ME1: variants seen among roughly 807,000 people sequenced by gnomAD.
The protein encoded by ME1 is malic enzyme 1, also known as NADP-dependent malic enzyme.
In ME1, 74 loss-of-function variants were observed where a neutral mutation model predicts 66.4. The observed-to-expected ratio is 1.11, with a 90% CI of 0.92 to 1.35. The LOEUF (loss-of-function observed/expected upper bound fraction) is 1.35, where lower values mean the gene tolerates loss of function less well. Among genes scored for constraint, ME1 ranks in the 40% most tolerant of loss-of-function variants. The pLI, the probability that ME1 is intolerant of heterozygous loss-of-function variation, is 0.00. For missense variants in ME1, 750 were observed against 694.1 expected, an observed-to-expected ratio of 1.08 and a Z score of -0.90; for synonymous variants, 251 against 235.6, an observed-to-expected ratio of 1.07 and a Z score of -0.60.
intron 11 of ME1, among the ~76,000 whole-genome samples, chr6:83,226,940 C>T (rs1380746073): frequency 6.6e-6 from 1 of 152,132 alleles, no homozygotes; most frequent in East Asian, 1.9e-4. Context: ...AACCCAAACC[C>T]AGGATTTAGC....
chr6:83,405,573 G>C (rs1385389386), intron 2 of ME1, among the ~76,000 whole-genome samples: 1 of 152,120 alleles, frequency 6.6e-6, no homozygotes, highest in East Asian at 1.9e-4. Flanking sequence ...GGGCATCCTT[G>C]TCTTGTACCG....
At chr6:83,398,746 C>T (rs1056898427) in intron 2 of ME1, among the ~76,000 whole-genome samples, 5 of 151,664 alleles carry the variant, frequency 3.3e-5, no homozygotes, top group East Asian at 2.0e-4. Flanking sequence ...CTGAGGTGGG[C>T]GGATCACAAG....
chr6:83,286,815 C>A (rs1380176845), intron 6 of ME1, among the ~76,000 whole-genome samples: 1 of 152,030 alleles, frequency 6.6e-6, no homozygotes, highest in Non-Finnish European at 1.5e-5. Context: ...TTCCTTGTAG[C>A]CTCACAGTAC....
chr6:83,275,754 G>A (rs987422140), intron 6 of ME1, among the ~76,000 whole-genome samples: 2 of 125,436 alleles, frequency 1.6e-5, no homozygotes, highest in South Asian at 5.3e-4. Flanking sequence ...TGTGAGCCAC[G>A]GCGCCCGGCC....
At chr6:83,236,950 A>G (rs1443753551) in intron 9 of ME1, among the ~76,000 whole-genome samples, 1 of 152,026 alleles carries the variant, frequency 6.6e-6, no homozygotes, top group Admixed American at 6.6e-5. Context: ...TGTAAATCCC[A>G]GCACTTTGGG....
At chr6:83,268,399 T>G (rs1767025898) in intron 6 of ME1, among the ~76,000 whole-genome samples, 1 of 152,156 alleles carries the variant, frequency 6.6e-6, no homozygotes, top group South Asian at 2.1e-4. Context: ...GTACTCCTAT[T>G]AAGTATACAA....
chr6:83,344,108 C>T (rs887147885), intron 5 of ME1, among the ~76,000 whole-genome samples: 3 of 138,996 alleles, frequency 2.2e-5, no homozygotes, highest in African/African-American at 8.6e-5. Context: ...AAGACCCCGT[C>T]TAAAAAAAAA....
intron 5 of ME1, among the ~76,000 whole-genome samples, chr6:83,340,928 G>A (rs555784045): frequency 1.3e-4 from 19 of 151,508 alleles, no homozygotes; most frequent in South Asian, 4.2e-4. Flanking sequence ...TTTATTCTGT[G>A]GATGGACTCT....
intron 5 of ME1, among the ~76,000 whole-genome samples, chr6:83,320,413 T>C (rs1768128689): frequency 1.3e-5 from 2 of 152,238 alleles, no homozygotes; most frequent in Non-Finnish European, 2.9e-5. Context: ...TTATAATGTA[T>C]TGCATAAGAA....
At chr6:83,407,209 A>C (rs1769963019) in intron 2 of ME1, among the ~76,000 whole-genome samples, 1 of 152,212 alleles carries the variant, frequency 6.6e-6, no homozygotes, top group Admixed American at 6.5e-5. Context: ...AAAAACAGAC[A>C]GCAAAGCAGT....
chr6:83,356,312 C>A (rs1480629319), intron 3 of ME1, among the ~76,000 whole-genome samples: 2 of 152,018 alleles, frequency 1.3e-5, no homozygotes, highest in African/African-American at 4.8e-5. Flanking sequence ...ACATTTTTCA[C>A]AAAATGTGAG....
At chr6:83,228,491 T>C (rs938033058) in intron 10 of ME1, among the ~76,000 whole-genome samples, 4 of 152,118 alleles carry the variant, frequency 2.6e-5, no homozygotes, top group African/African-American at 9.7e-5. Context: ...ACTCAAAGCT[T>C]CCAGACATTG....
chr6:83,315,079 CT>C (rs1003687602), intron 6 of ME1, among the ~76,000 whole-genome samples: 6 of 151,412 alleles, frequency 4.0e-5, no homozygotes, highest in African/African-American at 7.3e-5. Flanking sequence ...TCTAAAGGTT[CT>C]TGTAAAAAAA....
At chr6:83,250,955 T>G (rs193251394) in intron 7 of ME1, among the ~76,000 whole-genome samples, 15 of 152,326 alleles carry the variant, frequency 9.8e-5, no homozygotes, top group African/African-American at 3.1e-4. Context: ...TATAAACAAG[T>G]GGGCATGGCT....
At chr6:83,425,791 G>A in intron 1 of ME1, among the ~76,000 whole-genome samples, 1 of 152,122 alleles carries the variant, frequency 6.6e-6, no homozygotes, top group East Asian at 1.9e-4. Context: ...TTTAAATCCA[G>A]GGTCTGTATA....
At chr6:83,346,863 C>T (rs1046137412) in intron 4 of ME1, among the ~76,000 whole-genome samples, 3 of 152,186 alleles carry the variant, frequency 2.0e-5, no homozygotes, top group Admixed American at 1.3e-4. Flanking sequence ...ATGTCCAGTA[C>T]AGTCTGCTAC....
In ME1 at chr6:83,364,737, C is replaced by T. The variant is rs757653770; in HGVS notation, c.363-12598G>A. The stretch of plus-strand genomic sequence containing the variant: ...CATATCTATCTATCTATCTATCTGT[C>T]ATCTATCTATCTATCTATCTATCAA... On this transcript the variant is annotated intron_variant, in intron 3 of 13. Coordinates refer to ENST00000369705, the MANE Select transcript of ME1 (RefSeq NM_002395.6). Among the ~76,000 whole-genome samples, 94 of 152,030 alleles carry T rather than the reference C, an allele frequency of 6.2e-4. No individual in the cohort carries two copies. In the Middle Eastern group the frequency reaches 0.01, roughly 17 times the overall value.
At chr6:83,235,470 ATTT>A (rs10691116) in intron 9 of ME1, among the ~76,000 whole-genome samples, 2 of 128,246 alleles carry the variant, frequency 1.6e-5, no homozygotes, top group Non-Finnish European at 1.6e-5. Context: ...AGCAATAGCT[ATTT>A]TTTTTTTTTT....
intron 1 of ME1, among the ~76,000 whole-genome samples, chr6:83,414,709 T>C (rs1274806351): frequency 6.6e-6 from 1 of 152,220 alleles, no homozygotes; most frequent in Non-Finnish European, 1.5e-5. Context: ...AAAGTCTTAT[T>C]ACTGATCGTT....
Sources: allele counts gnomAD v4.1 joint callset (sites outside exome capture counted in the v4.1 genomes callset), GRCh38; gene constraint gnomAD v4.1.1; transcripts MANE v1.5; gene names NCBI Gene and HGNC (gene_info 2026-07-23, HGNC 2026-07-21).